Variants in LRMDA observed in about 807,000 individuals in gnomAD.
LRMDA encodes leucine rich melanocyte differentiation associated.
A neutral mutation model predicts 29.8 loss-of-function variants in LRMDA; 18 were observed. The ratio of observed to expected loss-of-function variants is 0.60; its 90% confidence interval spans 0.42 to 0.90. The LOEUF (loss-of-function observed/expected upper bound fraction) is 0.90, where lower values mean the gene tolerates loss of function less well. Among genes scored for constraint, LRMDA ranks in the 40% least tolerant of loss-of-function variants. LRMDA has a pLI of 0.00. For synonymous variants in LRMDA, 125 were observed against 109.4 expected (o/e 1.14, Z -0.89); for missense variants, 273 against 273.9 (o/e 1.00, Z 0.02).
At position 76,285,954 on chromosome 10, in the gene LRMDA, C is replaced by T. The variant is rs77492899; in HGVS notation, c.517-38447C>T. On this transcript the variant is annotated intron_variant, in intron 5 of 6. Transcript: ENST00000611255. Reference sequence around the variant, plus strand: ...GTAATTCAGCTCAAATAAGCATATTCGGCAATCTTTATTCTGGATATGTGG... The same window carrying T: ...GTAATTCAGCTCAAATAAGCATATTTGGCAATCTTTATTCTGGATATGTGG... Among the ~76,000 whole-genome samples, 520 of 152,220 alleles carry T rather than the reference C, an allele frequency of 3.4e-3. 25 individuals carry two copies. In the East Asian group the frequency reaches 0.076, roughly 22 times the overall value.
intron 6 of LRMDA, among the ~76,000 whole-genome samples, chr10:76,479,354 C>G (rs1842713184): frequency 6.6e-6 from 1 of 151,872 alleles, no homozygotes; most frequent in Non-Finnish European, 1.5e-5. Context: ...TCTCACAAAG[C>G]CAGCTTCATG....
At chr10:76,268,750 C>G (rs1455603132) in intron 5 of LRMDA, among the ~76,000 whole-genome samples, 1 of 152,132 alleles carries the variant, frequency 6.6e-6, no homozygotes, top group Non-Finnish European at 1.5e-5. Context: ...GTCCTTACGC[C>G]CCCATTGCAT....
chr10:76,345,242 A>ATTT (rs375432601), intron 6 of LRMDA, among the ~76,000 whole-genome samples: 7 of 140,294 alleles, frequency 5.0e-5, no homozygotes, highest in African/African-American at 1.8e-4. Context: ...AATTTTTTGT[A>ATTT]TTTTTTTTTT....
intron 3 of LRMDA, among the ~76,000 whole-genome samples, chr10:76,038,715 G>T (rs909630638): frequency 2.0e-5 from 3 of 152,144 alleles, no homozygotes; most frequent in African/African-American, 7.2e-5. Context: ...AATGTTGCAG[G>T]CTTTCCAACA....
chr10:75,791,564 G>A (rs1843565459), intron 2 of LRMDA, among the ~76,000 whole-genome samples: 1 of 152,184 alleles, frequency 6.6e-6, no homozygotes, highest in South Asian at 2.1e-4. Context: ...AAAGCTTTGT[G>A]CTGTTTTCTC....
At chr10:76,304,335 C>G (rs912181615) in intron 5 of LRMDA, among the ~76,000 whole-genome samples, 2 of 152,194 alleles carry the variant, frequency 1.3e-5, no homozygotes, top group African/African-American at 4.8e-5. Context: ...GTAGCCCAGT[C>G]TGAAGTACAG....
At chr10:76,243,207 T>A (rs1852310496) in intron 5 of LRMDA, among the ~76,000 whole-genome samples, 1 of 152,192 alleles carries the variant, frequency 6.6e-6, no homozygotes, top group Non-Finnish European at 1.5e-5. Flanking sequence ...TGATGTTTAC[T>A]CATGATTGCC....
At chr10:75,913,884 C>G (rs991503341) in intron 2 of LRMDA, among the ~76,000 whole-genome samples, 1 of 152,178 alleles carries the variant, frequency 6.6e-6, no homozygotes, top group African/African-American at 2.4e-5. Context: ...TGCTTATTTT[C>G]CCGTATGAAT....
chr10:75,652,311 T>G (rs530027128), intron 2 of LRMDA, among the ~76,000 whole-genome samples: 1 of 152,208 alleles, frequency 6.6e-6, no homozygotes, highest in Non-Finnish European at 1.5e-5. Context: ...AGCAAAATGC[T>G]CAATCCTTAG....
intron 2 of LRMDA, among the ~76,000 whole-genome samples, chr10:75,543,156 C>T (rs1296700712): frequency 1.3e-5 from 2 of 152,214 alleles, no homozygotes; most frequent in Non-Finnish European, 2.9e-5. Context: ...TGGTGCTGGC[C>T]ATGCCAGAGC....
At chr10:75,795,365 C>T (rs1027086149) in intron 2 of LRMDA, among the ~76,000 whole-genome samples, 1 of 151,412 alleles carries the variant, frequency 6.6e-6, no homozygotes, top group African/African-American at 2.4e-5. Context: ...TGCACTCCAG[C>T]ATGGGCGACA....
At chr10:75,527,544 C>T (rs866032100) in intron 2 of LRMDA, among the ~76,000 whole-genome samples, 6 of 150,960 alleles carry the variant, frequency 4.0e-5, no homozygotes, top group African/African-American at 1.5e-4. Context: ...TCTTCACTAA[C>T]CCTTGTTGTT....
chr10:76,264,070 G>A (rs576721998), intron 5 of LRMDA, among the ~76,000 whole-genome samples: 55 of 152,174 alleles, frequency 3.6e-4, no homozygotes, highest in Non-Finnish European at 6.0e-4. Context: ...CCCCCTTTTA[G>A]CAGTAATTTG....
intron 2 of LRMDA, among the ~76,000 whole-genome samples, chr10:75,848,418 T>C (rs1263397010): frequency 6.6e-6 from 1 of 152,128 alleles, no homozygotes; most frequent in South Asian, 2.1e-4. Context: ...GGTTGTGGAG[T>C]GGAGGCCCAT....
At chr10:75,726,313 T>C (rs184501451) in intron 2 of LRMDA, among the ~76,000 whole-genome samples, 117 of 152,218 alleles carry the variant, frequency 7.7e-4, no homozygotes, top group Non-Finnish European at 1.5e-3. Context: ...GTCCCAGTGG[T>C]ATAGTTAAGG....
intron 2 of LRMDA, among the ~76,000 whole-genome samples, chr10:75,783,872 C>T (rs1387915859): frequency 2.0e-5 from 3 of 152,080 alleles, no homozygotes; most frequent in Admixed American, 1.3e-4. Context: ...AAGGATATGC[C>T]CTCATGGTCA....
intron 6 of LRMDA, among the ~76,000 whole-genome samples, chr10:76,480,218 A>G (rs986740210): frequency 2.0e-5 from 3 of 151,822 alleles, no homozygotes; most frequent in African/African-American, 7.3e-5. Context: ...TTTCCCCCAG[A>G]TGTATTAGGC....
chr10:76,286,689 G>A (rs1008783292), intron 5 of LRMDA, among the ~76,000 whole-genome samples: 7 of 152,094 alleles, frequency 4.6e-5, no homozygotes, highest in Non-Finnish European at 8.8e-5. Flanking sequence ...AAGATATTTG[G>A]GGCAATTTCT....
intron 5 of LRMDA, among the ~76,000 whole-genome samples, chr10:76,197,919 C>CA (rs574293527): frequency 0.023 from 3,247 of 138,910 alleles, 52 homozygotes; most frequent in South Asian, 0.085. Context: ...TACTCCATTT[C>CA]AAAAAAAAAA....
Sources: allele counts gnomAD v4.1 joint callset (sites outside exome capture counted in the v4.1 genomes callset), GRCh38; gene constraint gnomAD v4.1.1; transcripts MANE v1.5; gene names NCBI Gene and HGNC (gene_info 2026-07-23, HGNC 2026-07-21).